ZNF423: variants seen among roughly 807,000 people sequenced by gnomAD.
ZNF423 encodes the protein zinc finger protein 423.
ZNF423 carries 12 observed loss-of-function variants against 95.8 expected under a neutral mutation model. The observed-to-expected ratio is 0.13, with a 90% CI of 0.08 to 0.20. ZNF423 has a LOEUF of 0.20. Ranked by LOEUF, ZNF423 falls within the 10% of genes least tolerant of loss-of-function variation. The probability of loss-of-function intolerance (pLI) is 1.00; values close to 1 mark genes in which losing one functional copy is unlikely to be tolerated. For synonymous variants in ZNF423, 749 were observed against 711.9 expected, an observed-to-expected ratio of 1.05 and a Z score of -0.83; for missense variants, 1,316 against 1,737.1, an observed-to-expected ratio of 0.76 and a Z score of 4.31.
intron 3 of ZNF423, among the ~76,000 whole-genome samples, chr16:49,719,331 C>T (rs2032798730): frequency 6.6e-6 from 1 of 152,196 alleles, no homozygotes; most frequent in African/African-American, 2.4e-5. Context: ...TAGAGCTATA[C>T]ACTAATACAC....
intron 1 of ZNF423, chr16:49,854,569 A>T: frequency 1.0e-6 from 1 of 985,388 alleles, no homozygotes; most frequent in Non-Finnish European, 1.2e-6. Context: ...GGCTCCGTAG[A>T]CTTAGCCGCT....
chr16:49,796,700 G>C (rs975028586), intron 1 of ZNF423, among the ~76,000 whole-genome samples: 1 of 152,124 alleles, frequency 6.6e-6, no homozygotes, highest in Non-Finnish European at 1.5e-5. Context: ...CCTCTAGTAG[G>C]GCCAGGGAAG....
chr16:49,772,307 A>G (rs1427445764), intron 2 of ZNF423, among the ~76,000 whole-genome samples: 1 of 152,210 alleles, frequency 6.6e-6, no homozygotes, highest in Non-Finnish European at 1.5e-5. Context: ...AGTGGACTGG[A>G]TGATGCCAGC....
chr16:49,598,780 A>G (rs1463560048), intron 5 of ZNF423, among the ~76,000 whole-genome samples: 1 of 152,222 alleles, frequency 6.6e-6, no homozygotes, highest in Admixed American at 6.5e-5. Flanking sequence ...CCAGGGAAAA[A>G]CTGAAGTGGT....
At chr16:49,623,937 T>C (rs56146143) in intron 5 of ZNF423, among the ~76,000 whole-genome samples, 2,589 of 152,314 alleles carry the variant, frequency 0.017, 41 homozygotes, top group Middle Eastern at 0.034. Flanking sequence ...GAAGGGCCTT[T>C]GCAATGCAAA....
intron 1 of ZNF423, among the ~76,000 whole-genome samples, chr16:49,812,581 A>C (rs1327525689): frequency 6.6e-6 from 1 of 152,154 alleles, no homozygotes; most frequent in Non-Finnish European, 1.5e-5. Context: ...TCAGGAGGCT[A>C]AGGTGGGAGG....
At chr16:49,667,824 T>A (rs979268943) in intron 3 of ZNF423, among the ~76,000 whole-genome samples, 1 of 152,220 alleles carries the variant, frequency 6.6e-6, no homozygotes, top group African/African-American at 2.4e-5. Flanking sequence ...AACTTGAGGC[T>A]GCAGTGAGCT....
intron 2 of ZNF423, among the ~76,000 whole-genome samples, chr16:49,766,357 C>T (rs1354948302): frequency 6.6e-6 from 1 of 152,200 alleles, no homozygotes; most frequent in Non-Finnish European, 1.5e-5. Flanking sequence ...CAGGAAGGCT[C>T]CTCTCCCTGC....
chr16:49,587,226 C>T (rs1970869350), intron 5 of ZNF423, among the ~76,000 whole-genome samples: 1 of 152,178 alleles, frequency 6.6e-6, no homozygotes, highest in Admixed American at 6.5e-5. Flanking sequence ...CTGCAGAGCT[C>T]CTGAGCCCCT....
intron 5 of ZNF423, among the ~76,000 whole-genome samples, chr16:49,540,994 G>A (rs1330745104): frequency 6.6e-6 from 1 of 152,170 alleles, no homozygotes; most frequent in Non-Finnish European, 1.5e-5. Context: ...CCATGGCTGA[G>A]CCCCTCCTGC....
intron 2 of ZNF423, among the ~76,000 whole-genome samples, chr16:49,740,159 C>T (rs2033384322): frequency 6.6e-6 from 1 of 152,230 alleles, no homozygotes; most frequent in East Asian, 1.9e-4. Flanking sequence ...AGCCACTGTA[C>T]CCCGCCGACA....
chr16:49,523,428 T>C (rs1251326089), intron 7 of ZNF423, among the ~76,000 whole-genome samples, 196 bp downstream of exon 7: 1 of 152,258 alleles, frequency 6.6e-6, no homozygotes, highest in Non-Finnish European at 1.5e-5. Context: ...CCAGTGGCAG[T>C]TGGTTCTTTT....
At chr16:49,845,839 AC>A (rs1478531553) in intron 1 of ZNF423, among the ~76,000 whole-genome samples, 2 of 151,914 alleles carry the variant, frequency 1.3e-5, no homozygotes, top group Admixed American at 1.3e-4. Context: ...CCACCACTGC[AC>A]CCAGCCAAGG....
At chr16:49,521,457 G>A (rs962050291) in intron 7 of ZNF423, among the ~76,000 whole-genome samples, 3 of 152,128 alleles carry the variant, frequency 2.0e-5, no homozygotes, top group Admixed American at 6.5e-5. Context: ...GAGAGGGTGC[G>A]CATCCAGCAC....
At chr16:49,751,753 A>G (rs926771939) in intron 2 of ZNF423, among the ~76,000 whole-genome samples, 2 of 152,246 alleles carry the variant, frequency 1.3e-5, no homozygotes, top group South Asian at 4.1e-4. Context: ...AGTACCACCC[A>G]TGCATGGGCT....
intron 1 of ZNF423, among the ~76,000 whole-genome samples, chr16:49,823,871 G>A (rs938653042): frequency 6.6e-6 from 1 of 152,248 alleles, no homozygotes; most frequent in East Asian, 1.9e-4. Context: ...AGAGGTAGGA[G>A]GATCACTTGA....
chr16:49,601,692 G>A (rs943901704), intron 5 of ZNF423, among the ~76,000 whole-genome samples: 5 of 152,230 alleles, frequency 3.3e-5, no homozygotes, highest in African/African-American at 9.6e-5. Context: ...CACAGCAAGT[G>A]AGCCAGGGAG....
intron 2 of ZNF423, among the ~76,000 whole-genome samples, chr16:49,754,800 G>A (rs1163459820): frequency 6.6e-6 from 1 of 152,174 alleles, no homozygotes; most frequent in African/African-American, 2.4e-5. Flanking sequence ...CGGAAGGAAA[G>A]AAAAAACTTT....
intron 7 of ZNF423, among the ~76,000 whole-genome samples, chr16:49,512,651 C>A (rs1041458976): frequency 1.3e-5 from 2 of 152,212 alleles, no homozygotes; most frequent in Non-Finnish European, 2.9e-5. Context: ...TGGAAAAGGG[C>A]CACAATGACC....
Sources: gnomAD v4.1 joint callset for allele counts (sites outside exome capture counted in the v4.1 genomes callset) on GRCh38, gnomAD v4.1.1 for gene constraint, MANE v1.5 for transcripts, NCBI Gene and HGNC (gene_info 2026-07-23, HGNC 2026-07-21) for gene names.